The following TSPAN11 variants were observed in gnomAD, a reference collection of about 807,000 sequenced individuals.
TSPAN11 encodes the protein tetraspanin 11, also known as tetraspanin-11.
TSPAN11 carries 29 observed loss-of-function variants against 32.9 expected under a neutral mutation model. That is an observed-to-expected ratio of 0.88 (90% CI 0.66 to 1.20). TSPAN11 has a LOEUF of 1.20. Ranked by LOEUF, TSPAN11 falls within the 50% of genes most tolerant of loss-of-function variation. The pLI is 0.00. For missense variants in TSPAN11, 283 were observed against 329.1 expected, an observed-to-expected ratio of 0.86 and a Z score of 1.08; for synonymous variants, 140 against 141.3, an observed-to-expected ratio of 0.99 and a Z score of 0.07.
chr12:30,982,481 A>T, intron 5 of TSPAN11, 51 bp from the exon 6 acceptor site: 1 of 1,574,148 alleles, frequency 6.4e-7, no homozygotes, highest in Non-Finnish European at 8.7e-7. Flanking sequence ...GCAGCCTGGG[A>T]CCCTACGCAG....
chr12:31,009,015 C>T, the TSPAN11 span, among the ~76,000 whole-genome samples: 1 of 152,170 alleles, frequency 6.6e-6, no homozygotes, highest in East Asian at 1.9e-4. Context: ...AATAATGACC[C>T]CAATCGCTGT....
rs1157164611 is a variant in TSPAN11 at position 30,994,392 on chromosome 12, A to G, written c.*2477A>G. ...TGTCACCTTCAGTCCCGTGCAGGCA[A>G]AAGGCCCCTGCACACCAGGGCCCTA... On this transcript the variant is annotated 3_prime_UTR_variant, in exon 8 of 8. Coordinates refer to ENST00000546076, the MANE Select transcript of TSPAN11 (RefSeq NM_001370302.1). 1 of 152,204 alleles carries G rather than the reference A, an allele frequency of 6.6e-6. No individual in the cohort carries two copies. The highest frequency in any genetic ancestry group is 1.5e-5 in the Non-Finnish European group (1 of 68,056). 9.4% of individuals were successfully genotyped at this position (152,204 alleles called of 1,614,324 possible). A position where few individuals can be genotyped will look rare whatever the true frequency, so the allele number is the denominator to read the frequency against.
At chr12:30,928,599 A>G (rs1465424992) in intron 1 of TSPAN11, among the ~76,000 whole-genome samples, 2 of 152,202 alleles carry the variant, frequency 1.3e-5, no homozygotes, top group Non-Finnish European at 2.9e-5. Flanking sequence ...TAGTGTTTGT[A>G]AAAGGAAAGA....
At chr12:30,972,277 C>T (rs2140298472) in intron 3 of TSPAN11, among the ~76,000 whole-genome samples, 1 of 152,206 alleles carries the variant, frequency 6.6e-6, no homozygotes, top group East Asian at 1.9e-4. Context: ...AAGGCAGAAC[C>T]AGGTAAAGAT....
chr12:31,001,428 T>C (rs2140321630), downstream of TSPAN11, among the ~76,000 whole-genome samples: 1 of 152,330 alleles, frequency 6.6e-6, no homozygotes, highest in South Asian at 2.1e-4. Flanking sequence ...ATCCTGTGAA[T>C]ATAATCATCA....
At position 30,944,901 on chromosome 12, in the gene TSPAN11, T is replaced by C. The variant is rs73286422; in HGVS notation, c.-11-9080T>C. Among the ~76,000 whole-genome samples, 866 of 152,282 alleles carry C rather than the reference T, an allele frequency of 5.7e-3. 9 individuals carry two copies. Among genetic ancestry groups the C allele is most frequent in the African/African-American group, 0.02 (825 of 41,568 alleles). ...GTCCCCCAACCTGAGCTTTTGCTAA[T>C]GGGAGCTTTTGCTAAAAAGCTGATA... On this transcript the variant is annotated intron_variant, in intron 1 of 7. Transcript: ENST00000546076.
At chr12:30,949,742 C>A (rs969722987) in intron 1 of TSPAN11, among the ~76,000 whole-genome samples, 1 of 152,136 alleles carries the variant, frequency 6.6e-6, no homozygotes, top group Non-Finnish European at 1.5e-5. Flanking sequence ...AAAATATCCA[C>A]CTCCAGGTCT....
chr12:30,927,793 G>T (rs1489081692), intron 1 of TSPAN11, among the ~76,000 whole-genome samples: 1 of 152,166 alleles, frequency 6.6e-6, no homozygotes, highest in African/African-American at 2.4e-5. Flanking sequence ...GAACTTAATG[G>T]TTGTCACTGT....
intron 1 of TSPAN11, among the ~76,000 whole-genome samples, chr12:30,927,662 G>A (rs921982683): frequency 1.3e-5 from 2 of 152,158 alleles, no homozygotes; most frequent in African/African-American, 4.8e-5. Flanking sequence ...GTGTGTGTGG[G>A]GGAGCGTGAA....
chr12:30,974,147 TTC>T (rs1262959305), intron 3 of TSPAN11, among the ~76,000 whole-genome samples: 1 of 152,270 alleles, frequency 6.6e-6, no homozygotes, highest in African/African-American at 2.4e-5. Flanking sequence ...TCTGTCCATG[TTC>T]TGTTTCCAGC....
At chr12:30,973,721 G>C (rs540325237) in intron 3 of TSPAN11, among the ~76,000 whole-genome samples, 1 of 152,318 alleles carries the variant, frequency 6.6e-6, no homozygotes, top group African/African-American at 2.4e-5. Flanking sequence ...ATGAGGTCCT[G>C]TGAATTCTAA....
rs189569254 is a variant in TSPAN11 at position 30,985,999 on chromosome 12, G to T, written c.702+2849G>T. 4.3e-3 allele frequency among the ~76,000 whole-genome samples: 656 copies of T among 152,340 alleles called. 5 individuals carry two copies. Among genetic ancestry groups the T allele is most frequent in the African/African-American group, 0.015 (620 of 41,586 alleles). On this transcript the variant is annotated intron_variant, in intron 7 of 7. Transcript: ENST00000546076. Reference sequence around the variant, plus strand: ...CAGCCCAGGAGCGGCCAAGCCTCGGGTTAGGGCTCCCTCTGCCAGCTGACG... The same window carrying T: ...CAGCCCAGGAGCGGCCAAGCCTCGGTTTAGGGCTCCCTCTGCCAGCTGACG...
chr12:30,937,963 A>C (rs904673535), intron 1 of TSPAN11, among the ~76,000 whole-genome samples: 1 of 152,224 alleles, frequency 6.6e-6, no homozygotes, highest in Non-Finnish European at 1.5e-5. Flanking sequence ...GCAGTATTTT[A>C]AGGTCCAGGG....
rs1169479423 is a variant in TSPAN11, at chr12:30,993,570, T to G, written c.*1655T>G. On this transcript the variant is annotated 3_prime_UTR_variant, in exon 8 of 8. Coordinates refer to ENST00000546076, the MANE Select transcript of TSPAN11 (RefSeq NM_001370302.1). Reference sequence around the variant, plus strand: ...TTTATCTCCCCTGCCTAAAAGGCCCTGGGGTTGCCAATGCAAATTCATTAA... The same window carrying G: ...TTTATCTCCCCTGCCTAAAAGGCCCGGGGGTTGCCAATGCAAATTCATTAA... 6.6e-6 allele frequency: 1 copy of G among 152,246 alleles called. No homozygotes were observed. The highest frequency in any genetic ancestry group is 2.4e-5 in the African/African-American group (1 of 41,454). 9.4% of individuals were successfully genotyped at this position (152,246 alleles called of 1,614,324 possible). A position where few individuals can be genotyped will look rare whatever the true frequency, so the allele number is the denominator to read the frequency against.
rs1013359024 is a variant in TSPAN11 at position 30,992,165 on chromosome 12, A to G, written c.*250A>G. On this transcript the variant is annotated 3_prime_UTR_variant, in exon 8 of 8. Transcript: ENST00000546076. Reference sequence around the variant, plus strand: ...TCCTGGGCAGGGAAATGATCCTTTCAGGAGACAACCAGAGCCCCTCACCAG... The same window carrying G: ...TCCTGGGCAGGGAAATGATCCTTTCGGGAGACAACCAGAGCCCCTCACCAG... 1.8e-6 allele frequency: 1 copy of G among 569,576 alleles called. No individual in the cohort carries two copies. The highest frequency in any genetic ancestry group is 3.1e-6 in the Non-Finnish European group (1 of 318,260). The allele number at this position is 569,576 out of a possible 1,614,324, so 35.3% of individuals were successfully genotyped here. A position where few individuals can be genotyped will look rare whatever the true frequency, so the allele number is the denominator to read the frequency against.
downstream of TSPAN11, among the ~76,000 whole-genome samples, chr12:31,000,471 A>G (rs893018484): frequency 1.1e-4 from 17 of 152,244 alleles, no homozygotes; most frequent in African/African-American, 3.4e-4. Flanking sequence ...GGACGCCTCT[A>G]TACGCATGCT....
intron 7 of TSPAN11, among the ~76,000 whole-genome samples, chr12:30,990,956 T>C (rs375399958): frequency 6.6e-6 from 1 of 151,938 alleles, no homozygotes; most frequent in Non-Finnish European, 1.5e-5. Context: ...TTACCCTCAA[T>C]GCATCCTTGG....
At chr12:30,954,990 G>A (rs1484020300) in intron 2 of TSPAN11, 1 of 152,230 alleles carries the variant, frequency 6.6e-6, no homozygotes, top group African/African-American at 2.4e-5. Flanking sequence ...ACTTGACAGA[G>A]TCTTAGAAGC....
intron 1 of TSPAN11, among the ~76,000 whole-genome samples, chr12:30,929,299 T>C (rs1937868321): frequency 6.6e-6 from 1 of 152,194 alleles, no homozygotes. Flanking sequence ...ATAGGCAGGA[T>C]TCAGACATAC....
Sources: allele counts gnomAD v4.1 joint callset (sites outside exome capture counted in the v4.1 genomes callset), GRCh38; gene constraint gnomAD v4.1.1; transcripts MANE v1.5; gene names NCBI Gene and HGNC (gene_info 2026-07-23, HGNC 2026-07-21).